The following TNRC6B variants were observed in gnomAD, a reference collection of about 807,000 sequenced individuals.
The protein encoded by TNRC6B is trinucleotide repeat-containing gene 6B protein.
A neutral mutation model predicts 203.6 loss-of-function variants in TNRC6B; 52 were observed. The observed-to-expected ratio is 0.26, with a 90% CI of 0.20 to 0.32. The LOEUF (loss-of-function observed/expected upper bound fraction) is 0.32, where lower values mean the gene tolerates loss of function less well. Ranked by LOEUF, TNRC6B falls within the 10% of genes least tolerant of loss-of-function variation. The pLI is 1.00. For synonymous variants in TNRC6B, 838 were observed against 845.7 expected (o/e 0.99, Z 0.16); for missense variants, 1,923 against 2,286.2 (o/e 0.84, Z 3.24).
At chr22:40,318,264 AC>A (rs1569068360) in intron 21 of TNRC6B, among the ~76,000 whole-genome samples, 2 of 152,108 alleles carry the variant, frequency 1.3e-5, no homozygotes, top group African/African-American at 4.8e-5. Context: ...GTTCCAAGTT[AC>A]GGCCGGGCAC....
At chr22:40,311,990 A>T (rs559608496) in intron 17 of TNRC6B, among the ~76,000 whole-genome samples, 1 of 152,352 alleles carries the variant, frequency 6.6e-6, no homozygotes, top group Admixed American at 6.5e-5. Context: ...CCGAGCCCTT[A>T]TGTATATTCT....
At chr22:40,098,247 G>A (rs895317903) in intron 1 of TNRC6B, among the ~76,000 whole-genome samples, 13 of 151,910 alleles carry the variant, frequency 8.6e-5, no homozygotes, top group African/African-American at 3.1e-4. Flanking sequence ...TGAGCCGGGT[G>A]CGGTGGCGGG....
At chr22:40,170,109 A>T (rs1465005740) in intron 4 of TNRC6B, among the ~76,000 whole-genome samples, 1 of 150,100 alleles carries the variant, frequency 6.7e-6, no homozygotes, top group Non-Finnish European at 1.5e-5. Context: ...GTGAAACCCC[A>T]TCTATAAAAA....
intron 1 of TNRC6B, among the ~76,000 whole-genome samples, chr22:40,208,895 G>A (rs2069521636): frequency 6.6e-6 from 1 of 152,206 alleles, no homozygotes; most frequent in Non-Finnish European, 1.5e-5. Flanking sequence ...GAAAGACCTA[G>A]TGATCCTTGT....
chr22:40,214,448 G>A (rs1022997153), intron 1 of TNRC6B, among the ~76,000 whole-genome samples: 24 of 152,150 alleles, frequency 1.6e-4, no homozygotes, highest in African/African-American at 5.1e-4. Flanking sequence ...CAGTTTCTTC[G>A]TTGGGATATT....
chr22:40,255,004 G>T lies in TNRC6B; in HGVS notation c.115+3804G>T, dbSNP rs115266833. Among the ~76,000 whole-genome samples the T allele has an allele frequency of 5.6e-3, 849 of 152,150 alleles. 5 individuals carry two copies. The highest frequency in any genetic ancestry group is 0.02 in the African/African-American group (823 of 41,528). ...GAGAGCAACCTCCATGGACCTTGTG[G>T]AGTTCGGGCCAGATTGGGCAAGGAA... On this transcript the variant is annotated intron_variant, in intron 3 of 22. Transcript: ENST00000454349.
chr22:40,049,085 CATTT>C lies in TNRC6B; in HGVS notation c.-121+4090_-121+4093del, dbSNP rs2067721556. On this transcript the variant is annotated intron_variant, in intron 1 of 23. Transcript: ENST00000301923. ...GTAACATTTGTTCATTTATTTAAAA[CATTT>C]ATACACTGCTGGCTGGGCGCGGTGG... Among the ~76,000 whole-genome samples, 4 of 152,038 alleles carry C rather than the reference CATTT, an allele frequency of 2.6e-5. No homozygotes were observed. The South Asian group carries it at 8.3e-4, about 31-fold the overall frequency.
chr22:40,322,917 T>C lies in TNRC6B; in HGVS notation c.5178T>C (p.Phe1726=). The C allele has an allele frequency of 6.2e-7, 1 of 1,613,974 alleles. No individual in the cohort carries two copies. ...CCACTGATGATGAAGTCAGCCGCTT[T>C]CTGGCACAAGCTCAGCCCCCTACAC... ...EFATDDEVSR[F]LAQAQPPTPA... The change falls in exon 23 of 23, where the codon TTT becomes TTC. Residue 1726 remains phenylalanine (F), a synonymous_variant. Coordinates refer to ENST00000454349, the MANE Select transcript of TNRC6B (RefSeq NM_001162501.2).
At chr22:40,214,560 T>A (rs2069608933) in intron 1 of TNRC6B, among the ~76,000 whole-genome samples, 1 of 151,560 alleles carries the variant, frequency 6.6e-6, no homozygotes, top group East Asian at 1.9e-4. Flanking sequence ...TTTTTTTTTT[T>A]ATTTTGGACA....
At chr22:40,248,331 T>C (rs2070138070) in intron 2 of TNRC6B, among the ~76,000 whole-genome samples, 1 of 152,200 alleles carries the variant, frequency 6.6e-6, no homozygotes, top group South Asian at 2.1e-4. Context: ...CACTCACACA[T>C]TTCCTCTACT....
chr22:40,075,156 A>ATATATATATATATATATATATTTT, intron 1 of TNRC6B, among the ~76,000 whole-genome samples: 1 of 35,568 alleles, frequency 2.8e-5, no homozygotes, highest in Non-Finnish European at 5.2e-5. Flanking sequence ...ATATATATAT[A>ATATATATATATATATATATATTTT]TTTTTTTTTT....
chr22:40,249,210 C>T (rs1265757605), intron 2 of TNRC6B, among the ~76,000 whole-genome samples: 1 of 152,160 alleles, frequency 6.6e-6, no homozygotes, highest in Non-Finnish European at 1.5e-5. Flanking sequence ...TGGTTTTATT[C>T]GTATTTGTAT....
intron 22 of TNRC6B, among the ~76,000 whole-genome samples, chr22:40,322,510 C>CA (rs1247956240): frequency 1.3e-5 from 2 of 152,230 alleles, no homozygotes; most frequent in Non-Finnish European, 2.9e-5. Context: ...CACAGACACA[C>CA]ACGTTTTTCT....
At chr22:40,193,650 C>T (rs1054063482) in intron 1 of TNRC6B, among the ~76,000 whole-genome samples, 3 of 152,104 alleles carry the variant, frequency 2.0e-5, no homozygotes, top group Admixed American at 1.3e-4. Flanking sequence ...AGAGAAGAGA[C>T]CTGAGGCATG....
intron 1 of TNRC6B, among the ~76,000 whole-genome samples, chr22:40,074,233 C>G (rs2067983500): frequency 8.7e-6 from 1 of 115,488 alleles, no homozygotes; most frequent in African/African-American, 4.7e-5. Flanking sequence ...GTCGCTCTGT[C>G]TCAAAAAAAA....
At chr22:40,126,375 G>A (rs941193232) in intron 3 of TNRC6B, among the ~76,000 whole-genome samples, 1 of 152,020 alleles carries the variant, frequency 6.6e-6, no homozygotes, top group Non-Finnish European at 1.5e-5. Context: ...CCAAGAGCTT[G>A]TCTTTGAACC....
chr22:40,152,447 C>T (rs2068766805), intron 3 of TNRC6B, among the ~76,000 whole-genome samples: 1 of 152,210 alleles, frequency 6.6e-6, no homozygotes, highest in Non-Finnish European at 1.5e-5. Flanking sequence ...CTGCCTCAGC[C>T]TCCTGCGTAG....
At chr22:40,047,948 G>T (rs2067705733) in intron 1 of TNRC6B, among the ~76,000 whole-genome samples, 1 of 132,274 alleles carries the variant, frequency 7.6e-6, no homozygotes, top group Non-Finnish European at 1.7e-5. Flanking sequence ...CATTTTAGTC[G>T]TTGAATTGTG....
intron 2 of TNRC6B, chr22:40,246,364 G>A (rs5750915): frequency 0.34 from 79,432 of 235,694 alleles, 15,487 homozygotes; most frequent in East Asian, 0.55. Context: ...TAATTTTTGT[G>A]TTTTTAGTAG....
Sources: gnomAD v4.1 joint callset for allele counts (sites outside exome capture counted in the v4.1 genomes callset) on GRCh38, gnomAD v4.1.1 for gene constraint, MANE v1.5 for transcripts, NCBI Gene and HGNC (gene_info 2026-07-23, HGNC 2026-07-21) for gene names.